The following SLC8B1 variants were observed in gnomAD, a reference collection of about 807,000 sequenced individuals.
SLC8B1 encodes mitochondrial sodium/calcium exchanger protein.
Under a neutral mutation model 63.4 loss-of-function variants are expected in SLC8B1, and 52 were observed. The observed-to-expected ratio is 0.82, with a 90% CI of 0.66 to 1.03. SLC8B1 has a LOEUF of 1.03. SLC8B1 is among the 50% of genes least tolerant of loss of function. SLC8B1 has a pLI of 0.00. For synonymous variants in SLC8B1, 336 were observed against 323.9 expected (o/e 1.04, Z -0.40); for missense variants, 657 against 741.7 (o/e 0.89, Z 1.33).
intron 14 of SLC8B1, 110 bp downstream of exon 14, chr12:113,306,385 C>G: frequency 1.1e-6 from 1 of 887,736 alleles, no homozygotes; most frequent in Non-Finnish European, 1.7e-6. Context: ...AGCCACATTA[C>G]CTGCCCCAGG....
At chr12:113,306,719 T>C in intron 13 of SLC8B1, 144 bp from the exon 14 acceptor site, 1 of 668,190 alleles carries the variant, frequency 1.5e-6, no homozygotes, top group South Asian at 1.7e-5. Context: ...GCTGGTGGGG[T>C]GCTGTGTGAG....
In SLC8B1 at chr12:113,315,493, A is replaced by G; in HGVS notation, c.994-17T>C. The G allele has an allele frequency of 6.4e-7, 1 of 1,562,266 alleles. No individual in the cohort carries two copies. The highest frequency in any genetic ancestry group is 8.7e-7 in the Non-Finnish European group (1 of 1,152,874). On this transcript the variant is annotated splice_polypyrimidine_tract_variant and intron_variant, in intron 10 of 15. Transcript: ENST00000680972. ...CACAGGCAGCTGTCAAGGGGGCAAAAGTGGGAGGGTGTCGGCAGGGAAGTC... is the reference window on the plus strand; with the variant it reads ...CACAGGCAGCTGTCAAGGGGGCAAAGGTGGGAGGGTGTCGGCAGGGAAGTC...
chr12:113,319,514 T>C (rs1956889772), intron 7 of SLC8B1, among the ~76,000 whole-genome samples: 1 of 152,120 alleles, frequency 6.6e-6, no homozygotes, highest in South Asian at 2.1e-4. Flanking sequence ...CTCTTCAGTA[T>C]AGCTCCAGGC....
intron 1 of SLC8B1, among the ~76,000 whole-genome samples, chr12:113,333,857 C>A (rs1277925708): frequency 6.6e-6 from 1 of 152,222 alleles, no homozygotes; most frequent in Admixed American, 6.5e-5. Flanking sequence ...TACAGGCACA[C>A]ACCACCATGC....
At chr12:113,325,137 T>C (rs1047663567) in intron 2 of SLC8B1, among the ~76,000 whole-genome samples, 1 of 152,204 alleles carries the variant, frequency 6.6e-6, no homozygotes, top group African/African-American at 2.4e-5. Flanking sequence ...GTGTTCAAAT[T>C]TGCCCTCCTC....
At chr12:113,321,133 GGAGA>G in intron 3 of SLC8B1, 25 bp from the exon 4 acceptor site, 2 of 1,613,986 alleles carry the variant, frequency 1.2e-6, no homozygotes, top group Non-Finnish European at 1.7e-6. Context: ...GGCGAGGAAG[GGAGA>G]GTCAAGTCCA....
Position 113,321,267 on chromosome 12 carries a change from A to C in SLC8B1, c.238T>G (p.Tyr80Asp), listed in dbSNP as rs1566239848. The change falls in exon 3 of 16, where the codon TAC (tyrosine) becomes GAC (aspartate). Residue 80 changes from tyrosine (Y) to aspartate (D), a missense_variant. Coordinates refer to ENST00000680972, the MANE Select transcript of SLC8B1 (RefSeq NM_001358345.2). ...TNPDCHSDGG[Y>D]LDYLEGIFCH... The stretch of plus-strand genomic sequence containing the variant: ...AAGATGCCTTCCAGGTAGTCCAGGT[A>C]CCCCCCATCACTGTGGCAGTCAGGG... 3.7e-6 allele frequency: 6 copies of C among 1,613,858 alleles called. No individual in the cohort carries two copies. The South Asian group carries it at 6.6e-5, about 18-fold the overall frequency.
At chr12:113,326,546 T>G (rs558554045) in intron 2 of SLC8B1, among the ~76,000 whole-genome samples, 1 of 152,082 alleles carries the variant, frequency 6.6e-6, no homozygotes, top group South Asian at 2.1e-4. Context: ...TTTTTTATTT[T>G]TAGTAGAGAT....
At chr12:113,309,598 A>G (rs1956727306) in intron 12 of SLC8B1, among the ~76,000 whole-genome samples, 1 of 152,134 alleles carries the variant, frequency 6.6e-6, no homozygotes, top group African/African-American at 2.4e-5. Context: ...TACAAAAAAC[A>G]TACAAAAATT....
chr12:113,312,876 TAGG>T (rs1956782831), intron 11 of SLC8B1, among the ~76,000 whole-genome samples: 1 of 152,124 alleles, frequency 6.6e-6, no homozygotes, highest in Non-Finnish European at 1.5e-5. Context: ...GGGCTTGACT[TAGG>T]AGGACCGAGT....
Position 113,303,793 on chromosome 12 carries a change from G to A in SLC8B1, c.1557+528C>T, listed in dbSNP as rs974037926. ...ATATGGTGCTCAGTCTGGCCCTTCC[G>A]CTGCGTGCTTATCCAGGAAGCTCAG... is the stretch of plus-strand genomic sequence containing the variant. On this transcript the variant is annotated intron_variant, in intron 15 of 15. Transcript: ENST00000680972. Among the ~76,000 whole-genome samples, 11 of 152,172 alleles carry A rather than the reference G, an allele frequency of 7.2e-5. No homozygotes were observed. The East Asian group carries it at 7.7e-4, about 11-fold the overall frequency.
chr12:113,310,729 T>C (rs1009064739), intron 11 of SLC8B1, among the ~76,000 whole-genome samples: 2 of 152,138 alleles, frequency 1.3e-5, no homozygotes, highest in African/African-American at 2.4e-5. Flanking sequence ...CATCGCTCCA[T>C]GAGATGAACC....
intron 2 of SLC8B1, among the ~76,000 whole-genome samples, chr12:113,327,392 A>T (rs1405109942): frequency 6.6e-6 from 1 of 152,054 alleles, no homozygotes; most frequent in African/African-American, 2.4e-5. Context: ...GGGCAATAAC[A>T]CCCACAAGCC....
At chr12:113,300,551 G>T (rs935169153) in intron 15 of SLC8B1, among the ~76,000 whole-genome samples, 1 of 152,234 alleles carries the variant, frequency 6.6e-6, no homozygotes, top group Non-Finnish European at 1.5e-5. Flanking sequence ...GAGGGCACCA[G>T]CTGGGGGCCA....
chr12:113,325,843 G>A (rs1039739145), intron 2 of SLC8B1, among the ~76,000 whole-genome samples: 1 of 152,206 alleles, frequency 6.6e-6, no homozygotes, highest in Non-Finnish European at 1.5e-5. Context: ...GATTACAGGC[G>A]TGAGCCACCG....
chr12:113,317,893 GTGT>G (rs909025700), intron 8 of SLC8B1, among the ~76,000 whole-genome samples: 1 of 152,128 alleles, frequency 6.6e-6, no homozygotes, highest in African/African-American at 2.4e-5. Context: ...TGATGTTTTT[GTGT>G]TGTGTATGGC....
At position 113,307,561 on chromosome 12, in the gene SLC8B1, G is replaced by A. The variant is rs1484410476; in HGVS notation, c.1411+130C>T. On this transcript the variant is annotated intron_variant, in intron 13 of 15. Coordinates refer to ENST00000680972, the MANE Select transcript of SLC8B1 (RefSeq NM_001358345.2). ...AATGCTGGCCACTCCACAGTGACAGGGGACACTGCACAGGTGCAGAGGGCA... is the reference window on the plus strand; with the variant it reads ...AATGCTGGCCACTCCACAGTGACAGAGGACACTGCACAGGTGCAGAGGGCA... 1.2e-5 allele frequency: 14 copies of A among 1,127,688 alleles called. No individual in the cohort carries two copies. In the African/African-American group the frequency reaches 1.6e-4, roughly 13 times the overall value. 69.9% of individuals were successfully genotyped at this position (1,127,688 alleles called of 1,614,324 possible).
intron 10 of SLC8B1, among the ~76,000 whole-genome samples, chr12:113,315,863 C>T (rs906135992): frequency 6.6e-6 from 1 of 152,178 alleles, no homozygotes; most frequent in African/African-American, 2.4e-5. Context: ...ACCCTCCTGC[C>T]TCCCTCTTTC....
intron 2 of SLC8B1, among the ~76,000 whole-genome samples, chr12:113,331,385 C>CG (rs1255389630): frequency 8.8e-6 from 1 of 114,082 alleles, no homozygotes; most frequent in Admixed American, 9.7e-5. Context: ...AGACTGTTCT[C>CG]GAAAAAAAAA....
Sources: gnomAD v4.1 joint callset for allele counts (sites outside exome capture counted in the v4.1 genomes callset) on GRCh38, gnomAD v4.1.1 for gene constraint, MANE v1.5 for transcripts, NCBI Gene and HGNC (gene_info 2026-07-23, HGNC 2026-07-21) for gene names.